LRRIQ1: variants seen among roughly 807,000 people sequenced by gnomAD.
LRRIQ1 encodes the protein leucine rich repeats and IQ motif containing 1.
LRRIQ1 carries 210 observed loss-of-function variants against 211.9 expected under a neutral mutation model. The ratio of observed to expected loss-of-function variants is 0.99; its 90% CI spans 0.89 to 1.11. LRRIQ1 has a LOEUF of 1.11. LRRIQ1 is among the 50% of genes most tolerant of loss of function. The probability of loss-of-function intolerance (pLI) is 0.00; values close to 1 mark genes in which losing one functional copy is unlikely to be tolerated. For synonymous variants in LRRIQ1, 699 were observed against 650.1 expected (o/e 1.08, Z -1.14); for missense variants, 2,136 against 1,939.5 (o/e 1.10, Z -1.90).
At chr12:85,213,173 A>G (rs968598652) in intron 24 of LRRIQ1, among the ~76,000 whole-genome samples, 3 of 151,864 alleles carry the variant, frequency 2.0e-5, no homozygotes, top group Admixed American at 2.0e-4. Flanking sequence ...AACTCTAACA[A>G]CAGCAACAAA....
At chr12:85,182,279 C>G (rs1892016648) in intron 24 of LRRIQ1, among the ~76,000 whole-genome samples, 1 of 151,792 alleles carries the variant, frequency 6.6e-6, no homozygotes, top group African/African-American at 2.4e-5. Flanking sequence ...ATAAAAACAC[C>G]TGAATTACAA....
intron 19 of LRRIQ1, among the ~76,000 whole-genome samples, chr12:85,140,147 T>G (rs1386159442): frequency 6.6e-6 from 1 of 151,416 alleles, no homozygotes; most frequent in Non-Finnish European, 1.5e-5. Context: ...AAACTGAATT[T>G]AATTTACCTT....
intron 3 of LRRIQ1, 140 bp from the exon 4 acceptor site, chr12:85,044,578 C>G (rs975397922): frequency 1.3e-5 from 5 of 382,000 alleles, no homozygotes; most frequent in African/African-American, 1.0e-4. Context: ...AATAATTTTT[C>G]TGTTATTCTG....
At chr12:85,077,949 A>G (rs944538422) in intron 11 of LRRIQ1, among the ~76,000 whole-genome samples, 2 of 151,756 alleles carry the variant, frequency 1.3e-5, no homozygotes, top group African/African-American at 4.8e-5. Context: ...GATCACACCA[A>G]TGCACTCCAA....
chr12:85,052,166 CAT>C lies in LRRIQ1; in HGVS notation c.679-8_679-7del, dbSNP rs1880416244. On this transcript the variant is annotated splice_polypyrimidine_tract_variant and intron_variant, in intron 6 of 26. Coordinates refer to ENST00000393217, the MANE Select transcript of LRRIQ1 (RefSeq NM_001079910.2). The stretch of plus-strand genomic sequence containing the variant: ...TGAGTATAGTCATATTTATTATTAT[CAT>C]ATGTTCAGCAAGAACAGGACAAGAT... 2 of 1,387,958 alleles carry C rather than the reference CAT, an allele frequency of 1.4e-6. No homozygotes were observed. The highest frequency in any genetic ancestry group is 2.0e-6 in the Non-Finnish European group (2 of 1,009,214). 86.0% of individuals were successfully genotyped at this position (1,387,958 alleles called of 1,614,324 possible). A position where few individuals can be genotyped will look rare whatever the true frequency, so the allele number is the denominator to read the frequency against.
chr12:85,266,247 A>G (rs1455356834), downstream of LRRIQ1, among the ~76,000 whole-genome samples: 1 of 152,098 alleles, frequency 6.6e-6, no homozygotes. Flanking sequence ...CAAATAGCAC[A>G]ATTTGCACTG....
chr12:85,190,181 TATA>T lies in LRRIQ1; in HGVS notation c.4822+29473_4822+29475del, dbSNP rs376926551. On this transcript the variant is annotated intron_variant, in intron 24 of 26. Coordinates refer to ENST00000393217, the MANE Select transcript of LRRIQ1 (RefSeq NM_001079910.2). ...TAACAATATATTATGTATGATGTGT[TATA>T]ATAATTCAATATATTATAATTATAA... Among the ~76,000 whole-genome samples, 50 of 144,168 alleles carry T rather than the reference TATA, an allele frequency of 3.5e-4. No individual in the cohort carries two copies. The East Asian group carries it at 5.4e-3, about 16-fold the overall frequency. 94.6% of individuals were successfully genotyped at this position (144,168 alleles called of 152,430 possible). A position where few individuals can be genotyped will look rare whatever the true frequency, so the allele number is the denominator to read the frequency against.
chr12:85,146,797 T>C (rs1162383954), intron 19 of LRRIQ1, among the ~76,000 whole-genome samples: 1 of 151,778 alleles, frequency 6.6e-6, no homozygotes, highest in African/African-American at 2.4e-5. Context: ...GTTTGAATAC[T>C]CTTACTCTTC....
intron 26 of LRRIQ1, among the ~76,000 whole-genome samples, chr12:85,240,136 T>C (rs1299962402): frequency 6.6e-6 from 1 of 152,114 alleles, no homozygotes; most frequent in African/African-American, 2.4e-5. Context: ...GAAGACACAA[T>C]TCAGAAAATA....
intron 24 of LRRIQ1, among the ~76,000 whole-genome samples, chr12:85,218,082 CTT>C (rs1332678508): frequency 1.3e-5 from 2 of 151,950 alleles, no homozygotes; most frequent in East Asian, 1.9e-4. Context: ...TTTGTAATAA[CTT>C]AAAATCAATT....
At chr12:85,075,441 C>T (rs542824385) in intron 11 of LRRIQ1, among the ~76,000 whole-genome samples, 2 of 152,140 alleles carry the variant, frequency 1.3e-5, no homozygotes, top group South Asian at 4.2e-4. Context: ...AGAGAGGCCT[C>T]AGGAAACTTA....
At chr12:85,153,321 A>T (rs1253257711) in intron 21 of LRRIQ1, among the ~76,000 whole-genome samples, 176 bp downstream of exon 21, 1 of 151,550 alleles carries the variant, frequency 6.6e-6, no homozygotes, top group African/African-American at 2.4e-5. Context: ...AAATGAATGA[A>T]GTAGGTACAT....
intron 24 of LRRIQ1, chr12:85,162,762 G>C (rs769783803): frequency 2.2e-6 from 1 of 456,024 alleles, no homozygotes; most frequent in South Asian, 1.5e-5. Context: ...TTTCCCCCAA[G>C]TGAATTTTGT....
At chr12:85,109,164 A>C (rs1886992923) in intron 15 of LRRIQ1, among the ~76,000 whole-genome samples, 1 of 152,098 alleles carries the variant, frequency 6.6e-6, no homozygotes, top group Non-Finnish European at 1.5e-5. Flanking sequence ...TATCTGACTT[A>C]ATGTACCTGT....
At chr12:85,118,497 A>ATGT (rs1555210758) in intron 15 of LRRIQ1, among the ~76,000 whole-genome samples, 2 of 81,640 alleles carry the variant, frequency 2.4e-5, no homozygotes, top group Non-Finnish European at 4.7e-5. Flanking sequence ...ATGAAAAACT[A>ATGT]TGTTTTTTTT....
rs773686313 is a variant in LRRIQ1 at position 85,056,862 on chromosome 12, A to G, written c.2069A>G (p.Tyr690Cys). The change falls in exon 8 of 27, where the codon TAT (tyrosine) becomes TGT (cysteine). Residue 690 changes from tyrosine (Y) to cysteine (C), a missense_variant. Transcript: ENST00000393217. ...GCTCCTTGTGAGGGCTTGAGTAACT[A>G]TAATGCAGAAAGCTCCATGGTATCT... The part of the protein sequence containing the change: ...RHAPCEGLSN[Y>C]NAESSMVSKE... 4 of 1,613,488 alleles carry G rather than the reference A, an allele frequency of 2.5e-6. No homozygotes were observed. The highest frequency in any genetic ancestry group is 2.2e-5 in the East Asian group (1 of 44,854).
Position 85,055,727 on chromosome 12 carries a change from GA to G in LRRIQ1, c.937del (p.Ser313ValfsTer27), listed in dbSNP as rs772936295. 1.2e-6 allele frequency: 2 copies of G among 1,606,548 alleles called. No individual in the cohort carries two copies. Among genetic ancestry groups the G allele is most frequent in the Admixed American group, 1.7e-5 (1 of 58,754 alleles). Reference sequence around the variant, plus strand: ...TGGCCCAATTATTAAAGAGCAAATTGAAAGTAAGAAAAGGAAAGCACAAGAG... The same window carrying G: ...TGGCCCAATTATTAAAGAGCAAATTGAAGTAAGAAAAGGAAAGCACAAGAG... ...KYGPIIKEQIESKKRKAQEWK... is the reference protein window; with the variant it reads ...KYGPIIKEQIXSKKRKAQEWK... On this transcript the variant is annotated frameshift_variant, in exon 8 of 27. Coordinates refer to ENST00000393217, the MANE Select transcript of LRRIQ1 (RefSeq NM_001079910.2). LOFTEE classifies it high-confidence loss of function.
At chr12:85,197,118 C>A (rs1334399739) in intron 24 of LRRIQ1, among the ~76,000 whole-genome samples, 3 of 152,154 alleles carry the variant, frequency 2.0e-5, no homozygotes, top group Non-Finnish European at 2.9e-5. Flanking sequence ...CAAATCAAAA[C>A]CACAATGAGA....
chr12:85,153,128 C>T lies in LRRIQ1; in HGVS notation c.4524C>T (p.His1508=). The part of the protein sequence containing the change: ...NDKENLSSSE[H]TQFNSRSENK... ...AAGAAAATTTGTCTTCTTCAGAACACACACAATTTAATAGCAGGTAAGCTA... is the reference window on the plus strand; with the variant it reads ...AAGAAAATTTGTCTTCTTCAGAACATACACAATTTAATAGCAGGTAAGCTA... Residue 1508 remains histidine, a synonymous_variant, in exon 21 of 27, where the codon CAC becomes CAT. Coordinates refer to ENST00000393217, the MANE Select transcript of LRRIQ1 (RefSeq NM_001079910.2). The T allele has an allele frequency of 1.3e-6, 2 of 1,587,364 alleles. No homozygotes were observed. The highest frequency in any genetic ancestry group is 1.7e-6 in the Non-Finnish European group (2 of 1,167,390).
Sources: gnomAD v4.1 joint callset for allele counts (sites outside exome capture counted in the v4.1 genomes callset) on GRCh38, gnomAD v4.1.1 for gene constraint, MANE v1.5 for transcripts, NCBI Gene and HGNC (gene_info 2026-07-23, HGNC 2026-07-21) for gene names.